Variants in ZNF107 observed in about 807,000 individuals in gnomAD.
The protein encoded by ZNF107 is zinc finger protein 107.
Under a neutral mutation model 12.3 loss-of-function variants are expected in ZNF107, and 19 were observed. The observed-to-expected ratio is 1.55, with a 90% CI of 1.08 to 2.27. The LOEUF (loss-of-function observed/expected upper bound fraction) is 2.27. ZNF107 is among the 30% of genes most tolerant of loss of function. ZNF107 has a pLI of 0.00. For missense variants in ZNF107, 958 were observed against 979.9 expected (o/e 0.98, Z 0.30); for synonymous variants, 317 against 330.5 (o/e 0.96, Z 0.44).
At chr7:64,693,498 A>G (rs948060311) in intron 3 of ZNF107, among the ~76,000 whole-genome samples, 2 of 151,916 alleles carry the variant, frequency 1.3e-5, no homozygotes, top group Admixed American at 6.6e-5. Flanking sequence ...CCCCCAGGTG[A>G]TGGGATGCCC....
At chr7:64,670,425 A>G (rs906648331) in intron 1 of ZNF107, among the ~76,000 whole-genome samples, 4 of 152,182 alleles carry the variant, frequency 2.6e-5, no homozygotes, top group Admixed American at 2.6e-4. Flanking sequence ...ATGGGGTTGT[A>G]TGTTGGCTCA....
Position 64,708,740 on chromosome 7 carries a change from A to AC in ZNF107, c.*84_*85insC. On this transcript the variant is annotated 3_prime_UTR_variant, in exon 4 of 4. Transcript: ENST00000620827. The stretch of plus-strand genomic sequence containing the variant: ...TGAAGAATGTGTTAAAGCCTTTAAC[A>AC]AGTCTTCAACTTTTTCTGCACACAC... The AC allele has an allele frequency of 2.9e-6, 4 of 1,375,150 alleles. No homozygotes were observed. The highest frequency in any genetic ancestry group is 3.9e-6 in the Non-Finnish European group (4 of 1,018,748). The allele number at this position is 1,375,150 out of a possible 1,614,324, so 85.2% of individuals were successfully genotyped here. A position where few individuals can be genotyped will look rare whatever the true frequency, so the allele number is the denominator to read the frequency against.
chr7:64,679,043 G>A (rs562271964), intron 1 of ZNF107: 2 of 157,236 alleles, frequency 1.3e-5, no homozygotes, highest in African/African-American at 4.8e-5. Context: ...GATGAAAGAG[G>A]AACCTTACTT....
At position 64,709,748 on chromosome 7, in the gene ZNF107, A is replaced by C; in HGVS notation, c.*1092A>C. The C allele has an allele frequency of 2.2e-6, 1 of 455,308 alleles. No homozygotes were observed. The highest frequency in any genetic ancestry group is 4.4e-6 in the Non-Finnish European group (1 of 226,658). 28.2% of individuals were successfully genotyped at this position (455,308 alleles called of 1,614,324 possible). A position where few individuals can be genotyped will look rare whatever the true frequency, so the allele number is the denominator to read the frequency against. On this transcript the variant is annotated 3_prime_UTR_variant, in exon 4 of 4. Transcript: ENST00000620827. ...ATTATTATCTGCTCAGATTTTACTCAACATTAGAGAGTTAGTACGTAATAA... is the reference window on the plus strand; with the variant it reads ...ATTATTATCTGCTCAGATTTTACTCCACATTAGAGAGTTAGTACGTAATAA...
intron 1 of ZNF107, among the ~76,000 whole-genome samples, chr7:64,686,201 C>T (rs79041033): frequency 0.018 from 2,749 of 152,194 alleles, 76 homozygotes; most frequent in African/African-American, 0.063. Flanking sequence ...GATGCTGCCT[C>T]GCAGTTAAAT....
chr7:64,692,763 T>C (rs1790157724), intron 3 of ZNF107, among the ~76,000 whole-genome samples: 1 of 152,194 alleles, frequency 6.6e-6, no homozygotes, highest in South Asian at 2.1e-4. Flanking sequence ...AATGGTATTA[T>C]AAATAGGATT....
chr7:64,684,636 C>G (rs1789827238), intron 1 of ZNF107: 1 of 985,302 alleles, frequency 1.0e-6, no homozygotes. Context: ...CGCCCTGCTT[C>G]TTCACCCTCT....
At chr7:64,673,282 T>A (rs895795219) in intron 1 of ZNF107, among the ~76,000 whole-genome samples, 1 of 152,212 alleles carries the variant, frequency 6.6e-6, no homozygotes, top group African/African-American at 2.4e-5. Context: ...GACCTCGTGA[T>A]CCACCCGCCT....
At chr7:64,692,215 G>T (rs902513331) in intron 3 of ZNF107, among the ~76,000 whole-genome samples, 1 of 137,324 alleles carries the variant, frequency 7.3e-6, no homozygotes, top group Admixed American at 7.8e-5. Flanking sequence ...TCTTTTCATG[G>T]CATATAAGAG....
At chr7:64,677,608 CT>C (rs1246991084) in intron 1 of ZNF107, among the ~76,000 whole-genome samples, 3 of 151,338 alleles carry the variant, frequency 2.0e-5, no homozygotes, top group Admixed American at 1.3e-4. Flanking sequence ...AATCCCAGCA[CT>C]TTGGGAGGCC....
chr7:64,694,248 C>T (rs1209511251), intron 3 of ZNF107, among the ~76,000 whole-genome samples: 1 of 152,248 alleles, frequency 6.6e-6, no homozygotes, highest in Non-Finnish European at 1.5e-5. Flanking sequence ...TCTGGAAAGA[C>T]AGGACCTCTC....
At chr7:64,682,127 AGTCTC>A (rs1188502752) in intron 1 of ZNF107, among the ~76,000 whole-genome samples, 177 of 142,026 alleles carry the variant, frequency 1.2e-3, no homozygotes, top group African/African-American at 4.3e-3. Flanking sequence ...TGATCTCTGC[AGTCTC>A]TCCTAGGAAT....
In ZNF107 at chr7:64,709,126, C is replaced by T; in HGVS notation, c.*470C>T. 4.3e-6 allele frequency: 2 copies of T among 462,982 alleles called. No individual in the cohort carries two copies. The highest frequency in any genetic ancestry group is 8.7e-6 in the Non-Finnish European group (2 of 229,828). 28.7% of individuals were successfully genotyped at this position (462,982 alleles called of 1,614,324 possible). A position where few individuals can be genotyped will look rare whatever the true frequency, so the allele number is the denominator to read the frequency against. ...AAATTCATACTGGAGAGAAAGCCTA[C>T]AATTGTGAAGAATGTGGCAAAGCTT... On this transcript the variant is annotated 3_prime_UTR_variant, in exon 4 of 4. Transcript: ENST00000620827.
rs147975871 is a variant in ZNF107, at chr7:64,708,296, C to T, written c.2199C>T (p.Tyr733=). ...TAATTCATACTGGAGAGAAACCTTA[C>T]AAATGTAAAGAATGTGGCAAAGCTT... The part of the protein sequence containing the change: ...HKIIHTGEKP[Y]KCKECGKAFN... Residue 733 remains tyrosine (Y), a synonymous_variant, in exon 4 of 4, where the codon TAC becomes TAT. Transcript: ENST00000620827. The T allele has an allele frequency of 2.5e-6, 4 of 1,613,430 alleles. No individual in the cohort carries two copies. The highest frequency in any genetic ancestry group is 3.4e-6 in the Non-Finnish European group (4 of 1,179,758).
chr7:64,666,229 G>A lies in ZNF107; in HGVS notation c.-54G>A. 2.5e-6 allele frequency: 4 copies of A among 1,601,856 alleles called. No homozygotes were observed. In the South Asian group the frequency reaches 4.4e-5, roughly 18 times the overall value. ...CCCAGCCTCTGTGTCCCTGTGACCT[G>A]CAGATATTGGGAGATCCACAGCTAA... On this transcript the variant is annotated 5_prime_UTR_variant, in exon 1 of 4. Transcript: ENST00000620827.
chr7:64,677,506 A>AT (rs1164408677), intron 1 of ZNF107, among the ~76,000 whole-genome samples: 13 of 142,914 alleles, frequency 9.1e-5, no homozygotes, highest in South Asian at 4.5e-4. Context: ...TCTCTCTTCT[A>AT]TTTTTTTTTC....
Position 64,710,748 on chromosome 7 carries a change from T to C in ZNF107, c.*2092T>C, listed in dbSNP as rs549937267. ...ATTAATTTTTCATGCATCAAAGATATGAGAAATCATTTCTGTTAGGTCGGT... is the reference window on the plus strand; with the variant it reads ...ATTAATTTTTCATGCATCAAAGATACGAGAAATCATTTCTGTTAGGTCGGT... On this transcript the variant is annotated 3_prime_UTR_variant, in exon 4 of 4. Transcript: ENST00000620827. 11 of 152,266 alleles carry C rather than the reference T, an allele frequency of 7.2e-5. No homozygotes were observed. Among genetic ancestry groups the C allele is most frequent in the Admixed American group, 3.9e-4 (6 of 15,284 alleles). 9.4% of individuals were successfully genotyped at this position (152,266 alleles called of 1,614,324 possible).
chr7:64,707,748 A>G lies in ZNF107; in HGVS notation c.1651A>G (p.Thr551Ala). The change falls in exon 4 of 4, where the codon ACC (threonine) becomes GCC (alanine). Residue 551 changes from threonine (T) to alanine (A), a missense_variant. Transcript: ENST00000620827. ...ECGKAFNRFS[T>A]LTKHKRIHTG... ...TGGCAAAGCTTTTAACCGATTCTCA[A>G]CCCTTACTAAACATAAGAGAATTCA... The G allele has an allele frequency of 6.2e-7, 1 of 1,612,662 alleles. No individual in the cohort carries two copies.
intron 3 of ZNF107, among the ~76,000 whole-genome samples, chr7:64,701,726 C>G (rs1000661643): frequency 3.9e-5 from 6 of 152,036 alleles, no homozygotes; most frequent in African/African-American, 1.4e-4. Flanking sequence ...CTCAGATAAT[C>G]TTCTTATTTC....
Sources: allele counts gnomAD v4.1 joint callset (sites outside exome capture counted in the v4.1 genomes callset), GRCh38; gene constraint gnomAD v4.1.1; transcripts MANE v1.5; gene names NCBI Gene and HGNC (gene_info 2026-07-23, HGNC 2026-07-21).